The following CNGB3 variants were observed in gnomAD, a reference collection of about 807,000 sequenced individuals.
CNGB3 encodes the protein cyclic nucleotide gated channel subunit beta 3.
Under a neutral mutation model 92.8 loss-of-function variants are expected in CNGB3, and 86 were observed. That is an observed-to-expected ratio of 0.93 (90% CI 0.78 to 1.11). The LOEUF is 1.11. Ranked by LOEUF, CNGB3 falls within the 50% of genes least tolerant of loss-of-function variation. CNGB3 has a pLI of 0.00. For synonymous variants in CNGB3, 333 were observed against 332.7 expected (o/e 1.00, Z -0.01); for missense variants, 1,026 against 956.8 (o/e 1.07, Z -0.95).
intron 3 of CNGB3, among the ~76,000 whole-genome samples, chr8:86,718,926 T>C (rs997424063): frequency 1.3e-5 from 2 of 151,944 alleles, no homozygotes; most frequent in African/African-American, 4.8e-5. Flanking sequence ...AATTACATGA[T>C]CATCTCAGTA....
intron 13 of CNGB3, among the ~76,000 whole-genome samples, chr8:86,618,887 T>C (rs1379757872): frequency 6.6e-6 from 1 of 152,236 alleles, no homozygotes; most frequent in African/African-American, 2.4e-5. Context: ...ATTCCGGTTC[T>C]CTTCTTGGCT....
intron 10 of CNGB3, among the ~76,000 whole-genome samples, chr8:86,639,531 C>T (rs910596074): frequency 1.7e-4 from 26 of 151,956 alleles, no homozygotes; most frequent in Admixed American, 1.5e-3. Context: ...CTGCCTAATT[C>T]TAACTAGGTC....
intron 3 of CNGB3, among the ~76,000 whole-genome samples, chr8:86,701,083 G>A (rs1242317827): frequency 6.6e-6 from 1 of 152,126 alleles, no homozygotes; most frequent in Non-Finnish European, 1.5e-5. Context: ...TAGAACAAAT[G>A]CTTTAATTTT....
chr8:86,703,048 A>G (rs10106148), intron 3 of CNGB3, among the ~76,000 whole-genome samples: 14,498 of 152,130 alleles, frequency 0.095, 1,506 homozygotes, highest in African/African-American at 0.26. Flanking sequence ...ATAAGGAGCT[A>G]AATACAATTT....
chr8:86,628,999 T>A lies in CNGB3; in HGVS notation c.1400A>T (p.Asn467Ile). The change falls in exon 12 of 18, where the codon AAC (asparagine) becomes ATC (isoleucine). Residue 467 changes from asparagine to isoleucine, a missense_variant. Transcript: ENST00000320005. Reference sequence around the variant, plus strand: ...CACAAGTTTAGGAATGGAGTAATTGTTCATGTAGGCAATGGTGTCATCCAT... The same window carrying A: ...CACAAGTTTAGGAATGGAGTAATTGATCATGTAGGCAATGGTGTCATCCAT... ...ACMDDTIAYM[N>I]NYSIPKLVQK... The A allele has an allele frequency of 6.2e-7, 1 of 1,614,060 alleles. No homozygotes were observed. The highest frequency in any genetic ancestry group is 8.5e-7 in the Non-Finnish European group (1 of 1,179,954).
intron 1 of CNGB3, among the ~76,000 whole-genome samples, chr8:86,741,397 C>T (rs1209592983): frequency 6.6e-6 from 1 of 152,148 alleles, no homozygotes; most frequent in East Asian, 1.9e-4. Context: ...AGCACAGTGG[C>T]TCATGCGTGT....
At chr8:86,622,375 CTTTTT>C (rs11318413) in intron 13 of CNGB3, among the ~76,000 whole-genome samples, 2 of 131,690 alleles carry the variant, frequency 1.5e-5, no homozygotes, top group Admixed American at 7.5e-5. Flanking sequence ...GGCCATTCTT[CTTTTT>C]TTTTTTTTTT....
At position 86,585,218 on chromosome 8, in the gene CNGB3, A is replaced by G. The variant is rs569073491; in HGVS notation, c.1782-5966T>C. Among the ~76,000 whole-genome samples the G allele has an allele frequency of 2.3e-4, 35 of 152,324 alleles. No homozygotes were observed. The South Asian group carries it at 7.2e-3, about 32-fold the overall frequency. ...TATGCAAAACTCAGTAAATGTGAGGAACAAGTATACACACACATACACACA... is the reference window on the plus strand; with the variant it reads ...TATGCAAAACTCAGTAAATGTGAGGGACAAGTATACACACACATACACACA... On this transcript the variant is annotated intron_variant, in intron 15 of 17. Transcript: ENST00000320005.
intron 7 of CNGB3, among the ~76,000 whole-genome samples, chr8:86,650,868 T>C (rs1001928367): frequency 6.6e-6 from 1 of 151,638 alleles, no homozygotes; most frequent in Non-Finnish European, 1.5e-5. Context: ...CACATATAGG[T>C]TTATTTCAGC....
rs1822112159 is a variant in CNGB3 at position 86,593,984 on chromosome 8, A to G, written c.1781+10109T>C. The stretch of plus-strand genomic sequence containing the variant: ...CAGTGGGAGCGAGAACTTGTTGAAC[A>G]TCATCACCTGGTACAAGTACTCCTT... On this transcript the variant is annotated intron_variant, in intron 15 of 17. Transcript: ENST00000320005. 3 of 461,304 alleles carry G rather than the reference A, an allele frequency of 6.5e-6. No homozygotes were observed. In the Admixed American group the frequency reaches 8.5e-5, roughly 13 times the overall value. 28.6% of individuals were successfully genotyped at this position (461,304 alleles called of 1,614,324 possible).
At chr8:86,646,389 T>A (rs1159517373) in intron 8 of CNGB3, among the ~76,000 whole-genome samples, 1 of 151,120 alleles carries the variant, frequency 6.6e-6, no homozygotes, top group Non-Finnish European at 1.5e-5. Context: ...GCCTGAGGCC[T>A]ACCCAGTCAA....
chr8:86,588,962 T>C (rs1297691362), intron 15 of CNGB3, among the ~76,000 whole-genome samples: 2 of 152,168 alleles, frequency 1.3e-5, no homozygotes, highest in Non-Finnish European at 2.9e-5. Context: ...TGAATCCATC[T>C]GGTCCTGGAC....
chr8:86,667,499 T>C (rs1823766712), intron 5 of CNGB3, among the ~76,000 whole-genome samples: 1 of 152,120 alleles, frequency 6.6e-6, no homozygotes, highest in Non-Finnish European at 1.5e-5. Context: ...AGTTCCTCAG[T>C]AGTTAAGTTG....
intron 1 of CNGB3, among the ~76,000 whole-genome samples, chr8:86,741,210 T>C (rs1336513608): frequency 3.3e-5 from 5 of 152,236 alleles, no homozygotes; most frequent in Non-Finnish European, 5.9e-5. Flanking sequence ...ATTGTTTAAA[T>C]GCCATTTTGA....
intron 13 of CNGB3, among the ~76,000 whole-genome samples, chr8:86,613,986 TA>T (rs1822569111): frequency 6.7e-6 from 1 of 148,902 alleles, no homozygotes; most frequent in Non-Finnish European, 1.5e-5. Flanking sequence ...TATATACATA[TA>T]AAATAGAAAT....
chr8:86,668,279 T>C, intron 4 of CNGB3, 111 bp from the exon 5 acceptor site: 1 of 1,113,824 alleles, frequency 9.0e-7, no homozygotes, highest in Non-Finnish European at 1.3e-6. Context: ...AAGTGGGAGT[T>C]GAACAATGAG....
intron 1 of CNGB3, among the ~76,000 whole-genome samples, chr8:86,742,587 G>A (rs1825361572): frequency 6.6e-6 from 1 of 152,224 alleles, no homozygotes; most frequent in Admixed American, 6.5e-5. Context: ...CTCTCATCCA[G>A]CTGTTTCAGA....
chr8:86,685,421 C>T (rs1265481474), intron 3 of CNGB3, among the ~76,000 whole-genome samples: 3 of 152,004 alleles, frequency 2.0e-5, no homozygotes, highest in Non-Finnish European at 4.4e-5. Flanking sequence ...ATATGCACGT[C>T]GACGTTTGAG....
At chr8:86,734,263 G>A (rs1020424553) in intron 2 of CNGB3, among the ~76,000 whole-genome samples, 4 of 152,176 alleles carry the variant, frequency 2.6e-5, no homozygotes, top group African/African-American at 7.2e-5. Context: ...TCAGTTTGGA[G>A]AGATGATAGG....
Sources: allele counts gnomAD v4.1 joint callset (sites outside exome capture counted in the v4.1 genomes callset), GRCh38; gene constraint gnomAD v4.1.1; transcripts MANE v1.5; gene names NCBI Gene and HGNC (gene_info 2026-07-23, HGNC 2026-07-21).